Variants in NRXN2 observed in about 807,000 individuals in gnomAD.
NRXN2 encodes the protein neurexin 2, also known as neurexin-2-beta.
A neutral mutation model predicts 128.8 loss-of-function variants in NRXN2; 29 were observed. The observed-to-expected ratio is 0.23, with a 90% confidence interval of 0.17 to 0.31. The LOEUF is 0.31. NRXN2 is among the 10% of genes least tolerant of loss of function. The probability of loss-of-function intolerance (pLI) is 1.00; values close to 1 mark genes in which losing one functional copy is unlikely to be tolerated. For missense variants in NRXN2, 1,881 were observed against 2,452.6 expected (o/e 0.77, Z 4.92); for synonymous variants, 1,098 against 1,075.2 (o/e 1.02, Z -0.41).
At chr11:64,662,646 G>A (rs911150227) in intron 9 of NRXN2, among the ~76,000 whole-genome samples, 2 of 151,806 alleles carry the variant, frequency 1.3e-5, no homozygotes, top group South Asian at 2.1e-4. Context: ...GCTGGGCGTG[G>A]TGGCGGGCGC....
rs1411928083 is a variant in NRXN2, at chr11:64,608,122, G to A, written c.4253-40C>T. The A allele has an allele frequency of 1.2e-5, 18 of 1,474,324 alleles. No homozygotes were observed. The East Asian group carries it at 1.6e-4, about 13-fold the overall frequency. The allele number at this position is 1,474,324 out of a possible 1,614,324, so 91.3% of individuals were successfully genotyped here. On this transcript the variant is annotated intron_variant, in intron 22 of 22. Transcript: ENST00000265459. ...AGAAGAGAAAAGAGAGGGCGTCAGCGAGGGCCAGGGCGCAGGCGGCCGGCA... is the reference window on the plus strand; with the variant it reads ...AGAAGAGAAAAGAGAGGGCGTCAGCAAGGGCCAGGGCGCAGGCGGCCGGCA...
intron 17 of NRXN2, among the ~76,000 whole-genome samples, chr11:64,647,992 T>TC (rs1165619280): frequency 6.6e-6 from 1 of 151,860 alleles, no homozygotes; most frequent in African/African-American, 2.4e-5. Flanking sequence ...TATCAGTGGG[T>TC]CCCCCCAGAG....
At chr11:64,655,054 AC>A (rs1208184149) in intron 11 of NRXN2, among the ~76,000 whole-genome samples, 2 of 152,156 alleles carry the variant, frequency 1.3e-5, no homozygotes, top group African/African-American at 4.8e-5. Context: ...CTGTCGCTCC[AC>A]CCCAAATAGG....
intron 7 of NRXN2, 112 bp downstream of exon 7, chr11:64,676,881 A>C: frequency 1.2e-6 from 1 of 821,224 alleles, no homozygotes; most frequent in Non-Finnish European, 2.1e-6. Context: ...AACAATTGGA[A>C]GAGCAAAACA....
At chr11:64,614,485 T>C (rs2041163085) in intron 22 of NRXN2, among the ~76,000 whole-genome samples, 1 of 152,164 alleles carries the variant, frequency 6.6e-6, no homozygotes, top group Non-Finnish European at 1.5e-5. Context: ...ACTTCAGACA[T>C]GGCCATGGAG....
chr11:64,637,875 G>A (rs541070883), intron 17 of NRXN2, among the ~76,000 whole-genome samples: 86 of 152,268 alleles, frequency 5.6e-4, no homozygotes, highest in African/African-American at 2.0e-3. Flanking sequence ...CAGAGAGGGC[G>A]GGAGGAAAAA....
chr11:64,701,272 A>T (rs1346385001), intron 2 of NRXN2, among the ~76,000 whole-genome samples: 1 of 152,142 alleles, frequency 6.6e-6, no homozygotes, highest in Non-Finnish European at 1.5e-5. Context: ...AGAAAATCCC[A>T]TCCGAAATTT....
chr11:64,681,814 G>GGCACA (rs34420862), intron 6 of NRXN2, among the ~76,000 whole-genome samples: 6 of 248 alleles, frequency 0.024, no homozygotes, highest in South Asian at 0.5. Context: ...TAAGAAAATT[G>GGCACA]GATGAGTATG....
intron 22 of NRXN2, among the ~76,000 whole-genome samples, chr11:64,614,897 C>T (rs1376301961): frequency 2.0e-5 from 3 of 152,220 alleles, no homozygotes; most frequent in Non-Finnish European, 2.9e-5. Flanking sequence ...GAGATGAATG[C>T]CCTAGCTGGT....
rs1178076354 is a variant in NRXN2, at chr11:64,650,569, G to A, written c.2988C>T (p.Val996=). The stretch of plus-strand genomic sequence containing the variant: ...CCACGTTGTGCCACTGGTTGTCATT[G>A]ACTGGTTTGTCTGAGTTCCCCTTCA... The part of the protein sequence containing the change: ...SLMKGNSDKP[V]NDNQWHNVVV... Residue 996 remains valine, a synonymous_variant, in exon 15 of 23, where the codon GTC becomes GTT. Coordinates refer to ENST00000265459, the MANE Select transcript of NRXN2 (RefSeq NM_015080.4). 4 of 1,614,076 alleles carry A rather than the reference G, an allele frequency of 2.5e-6. No homozygotes were observed. The African/African-American group carries it at 5.3e-5, about 22-fold the overall frequency.
At chr11:64,706,085 A>AT in intron 2 of NRXN2, among the ~76,000 whole-genome samples, 3 of 85,412 alleles carry the variant, frequency 3.5e-5, no homozygotes, top group Non-Finnish European at 6.3e-5. Flanking sequence ...TATAATATAT[A>AT]TAATATATAT....
chr11:64,705,564 A>T (rs561783037), intron 2 of NRXN2, among the ~76,000 whole-genome samples: 4 of 151,496 alleles, frequency 2.6e-5, no homozygotes, highest in African/African-American at 9.7e-5. Flanking sequence ...TCTTGTGCTC[A>T]ATTTTTCTCA....
At chr11:64,619,660 A>C (rs2042028976) in intron 22 of NRXN2, among the ~76,000 whole-genome samples, 2 of 152,090 alleles carry the variant, frequency 1.3e-5, no homozygotes, top group African/African-American at 4.8e-5. Flanking sequence ...TCAGGCCCTA[A>C]TATTCCCCAG....
At chr11:64,647,999 A>G (rs1354457977) in intron 17 of NRXN2, among the ~76,000 whole-genome samples, 1 of 152,226 alleles carries the variant, frequency 6.6e-6, no homozygotes, top group African/African-American at 2.4e-5. Context: ...GGGTCCCCCC[A>G]GAGCTTCAGG....
chr11:64,609,490 G>A (rs755617399), intron 22 of NRXN2, among the ~76,000 whole-genome samples: 2 of 152,222 alleles, frequency 1.3e-5, no homozygotes, highest in Admixed American at 6.5e-5. Context: ...CTCTAGGTCT[G>A]ATAACTGGAG....
intron 1 of NRXN2, among the ~76,000 whole-genome samples, chr11:64,720,428 AC>A (rs1387704781): frequency 6.6e-6 from 1 of 152,136 alleles, no homozygotes; most frequent in Non-Finnish European, 1.5e-5. Flanking sequence ...TCTCCAGTGC[AC>A]AGGCAGGTGT....
In NRXN2 at chr11:64,660,828, C is replaced by T. The variant is rs200147057; in HGVS notation, c.2110G>A (p.Val704Ile). 43 of 1,614,044 alleles carry T rather than the reference C, an allele frequency of 2.7e-5. No homozygotes were observed. The East Asian group carries it at 4.9e-4, about 18-fold the overall frequency. ...CASAPCRNGGVCREGWNRFIC... is the reference protein window; with the variant it reads ...CASAPCRNGGICREGWNRFIC... ...AAGCGGTTCCAGCCTTCTCGACAGA[C>T]GCCCCCATTGCGACAGGGGGCAGAT... The change falls in exon 10 of 23, where the codon GTC becomes ATC. Residue 704 changes from valine to isoleucine, a missense_variant. By Grantham distance (29) the Val-to-Ile change is conservative. This residue lies in a region of NRXN2 where 997 missense variants were observed against 1,240.8 expected (regional missense o/e 0.80). Coordinates refer to ENST00000265459, the MANE Select transcript of NRXN2 (RefSeq NM_015080.4). The surrounding 1 kb of genome is among the most constrained non-coding windows in gnomAD (Gnocchi z 5.2).
intron 22 of NRXN2, among the ~76,000 whole-genome samples, chr11:64,611,612 A>G (rs1052665585): frequency 6.6e-6 from 1 of 152,192 alleles, no homozygotes; most frequent in African/African-American, 2.4e-5. Context: ...TTGGACCACA[A>G]ACAAGTCTTA....
At chr11:64,643,704 G>GCGGCACCTGGCTAGCCCGCT (rs2046179388) in intron 17 of NRXN2, among the ~76,000 whole-genome samples, 1 of 151,724 alleles carries the variant, frequency 6.6e-6, no homozygotes, top group African/African-American at 2.4e-5. Context: ...GCTCAGCCGC[G>GCGGCACCTGGCTAGCCCGCT]CGGCACCTGG....
Sources: gnomAD v4.1 joint callset for allele counts (sites outside exome capture counted in the v4.1 genomes callset) on GRCh38, gnomAD v4.1.1 for gene constraint, gnomAD v4.1.1 regional missense constraint, Gnocchi (gnomAD v3.1) non-coding constraint, MANE v1.5 for transcripts, NCBI Gene and HGNC (gene_info 2026-07-23, HGNC 2026-07-21) for gene names.